The following COLGALT2 variants were observed in gnomAD, a reference collection of about 807,000 sequenced individuals.
COLGALT2 encodes procollagen galactosyltransferase 2.
A neutral mutation model predicts 73.4 loss-of-function variants in COLGALT2; 49 were observed. That is an observed-to-expected ratio of 0.67 (90% CI 0.53 to 0.85). COLGALT2 has a LOEUF of 0.85. Among genes scored for constraint, COLGALT2 ranks in the 40% least tolerant of loss-of-function variants. The probability of loss-of-function intolerance (pLI) is 0.00; values close to 1 mark genes in which losing one functional copy is unlikely to be tolerated. For synonymous variants in COLGALT2, 295 were observed against 307.6 expected (o/e 0.96, Z 0.43); for missense variants, 722 against 790.2 (o/e 0.91, Z 1.03).
At chr1:183,988,706 T>G (rs745552705) in intron 1 of COLGALT2, among the ~76,000 whole-genome samples, 4 of 152,352 alleles carry the variant, frequency 2.6e-5, no homozygotes, top group Non-Finnish European at 5.9e-5. Flanking sequence ...TTCCATAGTA[T>G]GGATATGCCA....
At chr1:183,984,531 C>T (rs546640649) in intron 1 of COLGALT2, among the ~76,000 whole-genome samples, 11 of 152,324 alleles carry the variant, frequency 7.2e-5, no homozygotes, top group Admixed American at 7.2e-4. Context: ...TGGTACCCGC[C>T]AGCCACCAAG....
At chr1:183,967,280 C>T (rs942568553) in intron 5 of COLGALT2, among the ~76,000 whole-genome samples, 1 of 152,264 alleles carries the variant, frequency 6.6e-6, no homozygotes, top group Non-Finnish European at 1.5e-5. Flanking sequence ...TTCACTGCTT[C>T]ATGACTATTA....
chr1:183,943,834 G>A (rs558936595), intron 10 of COLGALT2, among the ~76,000 whole-genome samples: 8 of 152,258 alleles, frequency 5.3e-5, no homozygotes, highest in African/African-American at 1.9e-4. Flanking sequence ...TTGAATAAAT[G>A]GCCTCTTCTC....
intron 10 of COLGALT2, 147 bp from the exon 11 acceptor site, chr1:183,940,934 A>T: frequency 1.4e-6 from 1 of 735,904 alleles, no homozygotes; most frequent in Non-Finnish European, 2.3e-6. Context: ...CCAAAAGTGG[A>T]TCCAATCGCC....
chr1:184,032,152 C>A (rs141284341), intron 1 of COLGALT2, among the ~76,000 whole-genome samples: 26 of 152,048 alleles, frequency 1.7e-4, no homozygotes, highest in Non-Finnish European at 3.1e-4. Flanking sequence ...CCTCGGCCCC[C>A]CAAAGTGCTA....
chr1:184,029,336 G>A (rs1012072682), intron 1 of COLGALT2, among the ~76,000 whole-genome samples: 1 of 152,204 alleles, frequency 6.6e-6, no homozygotes, highest in Non-Finnish European at 1.5e-5. Flanking sequence ...TAGGTCACTC[G>A]CTGGCAGCTT....
chr1:184,001,866 G>A (rs1398668782), intron 1 of COLGALT2, among the ~76,000 whole-genome samples: 1 of 152,212 alleles, frequency 6.6e-6, no homozygotes, highest in Non-Finnish European at 1.5e-5. Flanking sequence ...TGCAGGTAAA[G>A]TTGCAAGGCC....
chr1:184,002,341 C>T (rs982572960), intron 1 of COLGALT2, among the ~76,000 whole-genome samples: 15 of 152,224 alleles, frequency 9.9e-5, no homozygotes, highest in African/African-American at 3.4e-4. Flanking sequence ...TCATGGCCAT[C>T]TGCATTCCCT....
At chr1:183,950,929 C>T (rs536583910) in intron 8 of COLGALT2, 78 bp downstream of exon 8, 395 of 1,074,630 alleles carry the variant, frequency 3.7e-4, no homozygotes, top group Non-Finnish European at 4.7e-4. Flanking sequence ...TAGAGCCCCA[C>T]CTGGGACTAA....
In COLGALT2 at chr1:183,938,081, T is replaced by C. The variant is rs151194611; in HGVS notation, c.*680A>G. 1.0e-6 allele frequency: 1 copy of C among 985,392 alleles called. No individual in the cohort carries two copies. Among genetic ancestry groups the C allele is most frequent in the East Asian group, 1.1e-4 (1 of 8,816 alleles). 61.0% of individuals were successfully genotyped at this position (985,392 alleles called of 1,614,324 possible). The stretch of plus-strand genomic sequence containing the variant: ...ACAAACTGTCAAATATCTACTAAAT[T>C]ATATCCACATGGCAAACTGGTCACC... On this transcript the variant is annotated 3_prime_UTR_variant, in exon 12 of 12. Coordinates refer to ENST00000361927, the MANE Select transcript of COLGALT2 (RefSeq NM_015101.4).
At chr1:183,986,281 T>C (rs1671487428) in intron 1 of COLGALT2, among the ~76,000 whole-genome samples, 1 of 152,222 alleles carries the variant, frequency 6.6e-6, no homozygotes, top group South Asian at 2.1e-4. Context: ...CTAGATCCTA[T>C]TCATACCAAG....
At chr1:184,005,619 C>G (rs1238442970) in intron 1 of COLGALT2, among the ~76,000 whole-genome samples, 1 of 152,194 alleles carries the variant, frequency 6.6e-6, no homozygotes, top group Non-Finnish European at 1.5e-5. Flanking sequence ...CAAGCTTTCT[C>G]AGCACTCTGC....
At chr1:183,964,099 C>G in intron 5 of COLGALT2, 79 bp from the exon 6 acceptor site, 4 of 1,518,156 alleles carry the variant, frequency 2.6e-6, no homozygotes, top group Non-Finnish European at 3.6e-6. Flanking sequence ...GGAACCTGAA[C>G]TGTGTCTGAT....
intron 4 of COLGALT2, among the ~76,000 whole-genome samples, chr1:183,971,382 A>AGTAAAACTGTAC (rs1477667151): frequency 1.4e-4 from 22 of 152,232 alleles, no homozygotes; most frequent in African/African-American, 5.3e-4. Flanking sequence ...TGTACAAAAC[A>AGTAAAACTGTAC]AGTGAGCACA....
At position 183,937,565 on chromosome 1, in the gene COLGALT2, A is replaced by G; in HGVS notation, c.*1196T>C. On this transcript the variant is annotated 3_prime_UTR_variant, in exon 12 of 12. Coordinates refer to ENST00000361927, the MANE Select transcript of COLGALT2 (RefSeq NM_015101.4). ...TCTGACCAGGTTTCTCACCTGAGAT[A>G]GAGAATCATTTGTTTCCAAATAGTT... 4.9e-5 allele frequency: 48 copies of G among 985,388 alleles called. No homozygotes were observed. Among genetic ancestry groups the G allele is most frequent in the Middle Eastern group, 5.2e-4 (1 of 1,914 alleles). The allele number at this position is 985,388 out of a possible 1,614,324, so 61.0% of individuals were successfully genotyped here.
At chr1:184,011,027 T>A (rs1419375317) in intron 1 of COLGALT2, among the ~76,000 whole-genome samples, 1 of 152,116 alleles carries the variant, frequency 6.6e-6, no homozygotes, top group Non-Finnish European at 1.5e-5. Context: ...AGTGAGGGAC[T>A]CTGAATGGGG....
chr1:183,987,604 TC>T (rs1671523067), intron 1 of COLGALT2, among the ~76,000 whole-genome samples: 1 of 152,244 alleles, frequency 6.6e-6, no homozygotes, highest in African/African-American at 2.4e-5. Context: ...ACAGGGACTG[TC>T]CCAGTACTTA....
intron 10 of COLGALT2, among the ~76,000 whole-genome samples, chr1:183,941,301 G>A (rs1426440523): frequency 6.6e-6 from 1 of 152,172 alleles, no homozygotes; most frequent in East Asian, 1.9e-4. Context: ...ACCCAAGAGT[G>A]GCCCTAAGGG....
chr1:183,998,765 A>T (rs964373412), intron 1 of COLGALT2, among the ~76,000 whole-genome samples: 2 of 152,002 alleles, frequency 1.3e-5, no homozygotes, highest in Non-Finnish European at 2.9e-5. Context: ...GAATTTTTTC[A>T]TAAAGATATT....
Sources: allele counts gnomAD v4.1 joint callset (sites outside exome capture counted in the v4.1 genomes callset), GRCh38; gene constraint gnomAD v4.1.1; transcripts MANE v1.5; gene names NCBI Gene and HGNC (gene_info 2026-07-23, HGNC 2026-07-21).